Variants in RBFOX1 observed in about 807,000 individuals in gnomAD.
RBFOX1 encodes RNA binding fox-1 homolog 1, also known as RNA binding protein fox-1 homolog 1.
A neutral mutation model predicts 57.7 loss-of-function variants in RBFOX1; 8 were observed. The observed-to-expected ratio is 0.14, with a 90% CI of 0.08 to 0.25. The LOEUF is 0.25. RBFOX1 is among the 10% of genes least tolerant of loss of function. The pLI is 1.00. For synonymous variants in RBFOX1, 326 were observed against 222.4 expected (o/e 1.47, Z -4.15); for missense variants, 611 against 548.5 (o/e 1.11, Z -1.14).
chr16:6,395,635 C>CATAACAT (rs1567186367), intron 2 of RBFOX1, among the ~76,000 whole-genome samples: 1 of 151,870 alleles, frequency 6.6e-6, no homozygotes, highest in Non-Finnish European at 1.5e-5. Flanking sequence ...ATTATTGCAT[C>CATAACAT]TTGGGAAATA....
intron 5 of RBFOX1, among the ~76,000 whole-genome samples, chr16:7,543,874 C>A (rs1303149160): frequency 8.1e-6 from 1 of 123,772 alleles, no homozygotes; most frequent in African/African-American, 3.0e-5. Flanking sequence ...GCACGCACCA[C>A]CACGCCCAGC....
At chr16:5,838,804 G>A (rs1438650186) in intron 3 of RBFOX1, 1 of 152,212 alleles carries the variant, frequency 6.6e-6, no homozygotes, top group East Asian at 1.9e-4. Context: ...AACAGTAGTT[G>A]TTACAGTTAA....
chr16:6,989,270 G>A (rs1302698296), intron 3 of RBFOX1, among the ~76,000 whole-genome samples: 3 of 152,032 alleles, frequency 2.0e-5, no homozygotes, highest in African/African-American at 4.8e-5. Context: ...TTTCTCTTGG[G>A]CAGTATGGAT....
intron 1 of RBFOX1, among the ~76,000 whole-genome samples, chr16:5,352,336 C>A (rs932402857): frequency 1.3e-5 from 2 of 152,190 alleles, no homozygotes; most frequent in Non-Finnish European, 2.9e-5. Context: ...TATAACCCAG[C>A]AATTGCATTC....
intron 4 of RBFOX1, among the ~76,000 whole-genome samples, chr16:7,222,917 C>G (rs551856253): frequency 2.0e-5 from 3 of 152,106 alleles, no homozygotes; most frequent in Non-Finnish European, 4.4e-5. Context: ...TTTTGCTCAA[C>G]CAGTCCTCTC....
intron 1 of RBFOX1, among the ~76,000 whole-genome samples, chr16:6,316,212 C>T (rs2081105830): frequency 6.6e-6 from 1 of 152,138 alleles, no homozygotes; most frequent in African/African-American, 2.4e-5. Flanking sequence ...AAACATCTTT[C>T]AGATCTACCA....
intron 4 of RBFOX1, among the ~76,000 whole-genome samples, chr16:7,334,188 G>C (rs1024513545): frequency 6.6e-6 from 1 of 152,082 alleles, no homozygotes; most frequent in Non-Finnish European, 1.5e-5. Context: ...AGAGTCATCT[G>C]GGGGTGATTC....
chr16:5,614,865 C>T (rs972722861), intron 3 of RBFOX1, among the ~76,000 whole-genome samples: 17 of 152,228 alleles, frequency 1.1e-4, no homozygotes, highest in African/African-American at 3.6e-4. Flanking sequence ...AGTGCACACC[C>T]GTTGACTTAC....
At chr16:7,280,485 C>T (rs2095519909) in intron 4 of RBFOX1, among the ~76,000 whole-genome samples, 1 of 152,162 alleles carries the variant, frequency 6.6e-6, no homozygotes, top group African/African-American at 2.4e-5. Flanking sequence ...GAGGGAGGCC[C>T]ATGTGCCTCT....
At chr16:6,698,200 C>G (rs2061331898) in intron 3 of RBFOX1, among the ~76,000 whole-genome samples, 1 of 152,124 alleles carries the variant, frequency 6.6e-6, no homozygotes, top group Non-Finnish European at 1.5e-5. Context: ...CCTCGTGCTC[C>G]AATTTGACAA....
intron 2 of RBFOX1, among the ~76,000 whole-genome samples, chr16:5,524,181 G>T (rs771483384): frequency 6.6e-6 from 1 of 152,194 alleles, no homozygotes; most frequent in Non-Finnish European, 1.5e-5. Context: ...ATCCTCTAGA[G>T]CTGAGACAAA....
chr16:7,367,709 G>A (rs1336694325), intron 4 of RBFOX1, among the ~76,000 whole-genome samples: 1 of 152,102 alleles, frequency 6.6e-6, no homozygotes, highest in Non-Finnish European at 1.5e-5. Flanking sequence ...ATCTAAAGGA[G>A]GCAGCTTCTC....
intron 3 of RBFOX1, among the ~76,000 whole-genome samples, chr16:6,924,999 C>T (rs535698606): frequency 1.4e-4 from 21 of 151,160 alleles, no homozygotes; most frequent in East Asian, 5.9e-4. Flanking sequence ...CATCCATGTC[C>T]GTACAAAGGA....
intron 4 of RBFOX1, among the ~76,000 whole-genome samples, chr16:7,131,642 T>A (rs2070433097): frequency 6.6e-6 from 1 of 151,632 alleles, no homozygotes; most frequent in Non-Finnish European, 1.5e-5. Context: ...TGGGCCCAGA[T>A]GAGATAGGCA....
intron 2 of RBFOX1, among the ~76,000 whole-genome samples, chr16:6,423,427 C>T (rs1023872408): frequency 3.3e-5 from 5 of 151,910 alleles, no homozygotes; most frequent in African/African-American, 9.7e-5. Flanking sequence ...GGTGAGACCC[C>T]GTCTCTACTA....
At chr16:7,697,045 T>G (rs1019622862) in intron 14 of RBFOX1, among the ~76,000 whole-genome samples, 1 of 152,138 alleles carries the variant, frequency 6.6e-6, no homozygotes, top group African/African-American at 2.4e-5. Flanking sequence ...ATTTGGGATT[T>G]TAACAGTGAT....
chr16:7,282,352 T>C (rs974731539), intron 4 of RBFOX1, among the ~76,000 whole-genome samples: 1 of 152,196 alleles, frequency 6.6e-6, no homozygotes, highest in African/African-American at 2.4e-5. Flanking sequence ...CACAGGGTCT[T>C]AGGAATTCTT....
chr16:7,139,058 C>T (rs546230600), intron 4 of RBFOX1, among the ~76,000 whole-genome samples: 4 of 152,234 alleles, frequency 2.6e-5, no homozygotes, highest in Non-Finnish European at 4.4e-5. Flanking sequence ...CCTTCCTTGC[C>T]CTCCCAAAGT....
At chr16:7,378,798 G>A (rs1352891928) in intron 4 of RBFOX1, among the ~76,000 whole-genome samples, 3 of 152,214 alleles carry the variant, frequency 2.0e-5, no homozygotes, top group Admixed American at 6.5e-5. Flanking sequence ...ACACTGCAAA[G>A]TCAGCCTGGC....
Sources: gnomAD v4.1 joint callset for allele counts (sites outside exome capture counted in the v4.1 genomes callset) on GRCh38, gnomAD v4.1.1 for gene constraint, MANE v1.5 for transcripts, NCBI Gene and HGNC (gene_info 2026-07-23, HGNC 2026-07-21) for gene names.